ZNF717: variants seen among roughly 807,000 people sequenced by gnomAD.
ZNF717 encodes the protein krueppel-like factor X17.
ZNF717 carries 9 observed loss-of-function variants against 13.8 expected under a neutral mutation model. That is an observed-to-expected ratio of 0.65 (90% CI 0.39 to 1.14). The LOEUF (loss-of-function observed/expected upper bound fraction) is 1.14. Among genes scored for constraint, ZNF717 ranks in the 50% most tolerant of loss-of-function variants. ZNF717 has a pLI of 0.01. For synonymous variants in ZNF717, 327 were observed against 364.1 expected (o/e 0.90, Z 1.16); for missense variants, 1,040 against 1,080.7 (o/e 0.96, Z 0.53).
chr3:75,732,443 T>C (rs1432928804), downstream of ZNF717, among the ~76,000 whole-genome samples: 2 of 152,350 alleles, frequency 1.3e-5, no homozygotes, highest in East Asian at 3.9e-4. Flanking sequence ...CCCTGCAAAA[T>C]GTGCCTGTTG....
At chr3:75,759,642 C>T (rs1390061634) in intron 2 of ZNF717, among the ~76,000 whole-genome samples, 6 of 152,040 alleles carry the variant, frequency 3.9e-5, no homozygotes, top group Non-Finnish European at 8.8e-5. Context: ...TATCTTGGCT[C>T]ACTGCAACCT....
At chr3:75,705,461 C>T (rs1318712742), downstream of ZNF717, among the ~76,000 whole-genome samples, 1 of 152,312 alleles carries the variant, frequency 6.6e-6, no homozygotes, top group Non-Finnish European at 1.5e-5. Flanking sequence ...TAATATCAGG[C>T]TTTTCTTGGC....
chr3:75,759,042 A>G (rs1489537804), intron 2 of ZNF717, among the ~76,000 whole-genome samples: 5 of 152,242 alleles, frequency 3.3e-5, no homozygotes, highest in African/African-American at 4.8e-5. Flanking sequence ...TGTTAACAAT[A>G]AAGTATTTGT....
chr3:75,770,026 T>C (rs1385418624), intron 2 of ZNF717, among the ~76,000 whole-genome samples: 9 of 152,218 alleles, frequency 5.9e-5, no homozygotes, highest in Non-Finnish European at 1.2e-4. Context: ...ATTTCTTTAT[T>C]GGCCCTTGTC....
intron 4 of ZNF717, 23 bp downstream of exon 4, chr3:75,741,253 C>T: frequency 2.1e-6 from 3 of 1,430,082 alleles, no homozygotes; most frequent in Non-Finnish European, 2.9e-6. Context: ...CCAGGCCTCC[C>T]TGCCTGGTAT....
chr3:75,737,594 C>T lies in ZNF717; in HGVS notation c.2029G>A (p.Val677Ile), dbSNP rs1199744004. Residue 677 changes from valine to isoleucine, a missense_variant, in exon 5 of 5, where the codon GTA (valine) becomes ATA (isoleucine). By Grantham distance (29) the Val-to-Ile change is conservative. Transcript: ENST00000652011. ...RTHTGKNRMDVMNVEKLFVRN... is the reference protein window; with the variant it reads ...RTHTGKNRMDIMNVEKLFVRN... Reference sequence around the variant, plus strand: ...ACAAAAAGTTTTTCCACATTCATTACATCCATACGGTTTTTCCCCGTGTGA... The same window carrying T: ...ACAAAAAGTTTTTCCACATTCATTATATCCATACGGTTTTTCCCCGTGTGA... 2 of 1,544,220 alleles carry T rather than the reference C, an allele frequency of 1.3e-6. No homozygotes were observed. The highest frequency in any genetic ancestry group is 1.4e-5 in the African/African-American group (1 of 72,850).
At chr3:75,744,605 G>A (rs111868929) in intron 2 of ZNF717, among the ~76,000 whole-genome samples, 35 of 152,286 alleles carry the variant, frequency 2.3e-4, no homozygotes, top group African/African-American at 7.0e-4. Context: ...TGGAGGATCC[G>A]CGTGGACAAC....
chr3:75,755,973 G>A (rs1386448135), intron 2 of ZNF717, among the ~76,000 whole-genome samples: 1 of 43,668 alleles, frequency 2.3e-5, no homozygotes, highest in Non-Finnish European at 7.9e-5. Context: ...GACACATCTC[G>A]TTTCACTGCA....
At chr3:75,748,741 A>C (rs1455315954) in intron 2 of ZNF717, among the ~76,000 whole-genome samples, 1 of 152,192 alleles carries the variant, frequency 6.6e-6, no homozygotes, top group Non-Finnish European at 1.5e-5. Context: ...TATCATACTG[A>C]ATGGGCAAAA....
intron 2 of ZNF717, among the ~76,000 whole-genome samples, chr3:75,774,779 C>A (rs1393892683): frequency 6.6e-6 from 1 of 151,804 alleles, no homozygotes; most frequent in African/African-American, 2.4e-5. Context: ...CACCACCACG[C>A]CTGGCTAATT....
chr3:75,718,062 G>A (rs9873518), intron 4 of ZNF717, among the ~76,000 whole-genome samples: 4,156 of 152,256 alleles, frequency 0.027, 188 homozygotes, highest in African/African-American at 0.094. Flanking sequence ...GTTGCCAAGT[G>A]AGTTACACTG....
At chr3:75,764,274 A>ATCCTCCATGGT (rs1943256526) in intron 2 of ZNF717, among the ~76,000 whole-genome samples, 4 of 152,118 alleles carry the variant, frequency 2.6e-5, no homozygotes, top group Admixed American at 2.6e-4. Flanking sequence ...TGAAACACAA[A>ATCCTCCATGGT]TCCTCCATGG....
downstream of ZNF717, among the ~76,000 whole-genome samples, chr3:75,708,630 G>A (rs764556398): frequency 1.8e-4 from 28 of 152,310 alleles, no homozygotes; most frequent in Admixed American, 1.2e-3. Context: ...TGACTTTGAC[G>A]AGTTGAGAGA....
chr3:75,785,211 C>A (rs555735107), intron 1 of ZNF717, among the ~76,000 whole-genome samples, 173 bp downstream of exon 1: 2 of 140,418 alleles, frequency 1.4e-5, no homozygotes, highest in African/African-American at 5.1e-5. Context: ...GCAAACTGAG[C>A]GTCATGCGGG....
At chr3:75,784,725 T>C (rs1945044504) in intron 1 of ZNF717, 1 of 152,218 alleles carries the variant, frequency 6.6e-6, no homozygotes, top group Admixed American at 6.5e-5. Flanking sequence ...TTTGCAAATC[T>C]TGTGCATTCT....
At chr3:75,698,570 C>G (rs1937629888) in intron 6 of ZNF717, among the ~76,000 whole-genome samples, 1 of 152,302 alleles carries the variant, frequency 6.6e-6, no homozygotes, top group Non-Finnish European at 1.5e-5. Flanking sequence ...GGGGTGCAAG[C>G]CATAGCCTTG....
intron 5 of ZNF717, among the ~76,000 whole-genome samples, chr3:75,715,389 C>A (rs1490668639): frequency 6.6e-6 from 1 of 152,016 alleles, no homozygotes; most frequent in Non-Finnish European, 1.5e-5. Context: ...TTATTTTTTG[C>A]TTTTGCATGG....
intron 6 of ZNF717, among the ~76,000 whole-genome samples, chr3:75,695,873 C>G (rs1937597681): frequency 6.6e-6 from 1 of 151,964 alleles, no homozygotes; most frequent in Non-Finnish European, 1.5e-5. Context: ...ACATAAAAAA[C>G]AGAAAAGCTT....
At chr3:75,769,212 C>T (rs1318630903) in intron 2 of ZNF717, among the ~76,000 whole-genome samples, 3 of 152,122 alleles carry the variant, frequency 2.0e-5, no homozygotes, top group African/African-American at 4.8e-5. Context: ...TCATGAGAGG[C>T]CTTACAGCTT....
Sources: allele counts gnomAD v4.1 joint callset (sites outside exome capture counted in the v4.1 genomes callset), GRCh38; gene constraint gnomAD v4.1.1; transcripts MANE v1.5; gene names NCBI Gene and HGNC (gene_info 2026-07-23, HGNC 2026-07-21).